The following DENND2B variants were observed in gnomAD, a reference collection of about 807,000 sequenced individuals.
The protein encoded by DENND2B is DENN domain containing 2B.
DENND2B carries 32 observed loss-of-function variants against 116.0 expected under a neutral mutation model. That is an observed-to-expected ratio of 0.28 (90% CI 0.21 to 0.37). The LOEUF is 0.37. Among genes scored for constraint, DENND2B ranks in the 10% least tolerant of loss-of-function variants. The pLI is 1.00. For missense variants in DENND2B, 1,276 were observed against 1,477.7 expected, an observed-to-expected ratio of 0.86 and a Z score of 2.24; for synonymous variants, 588 against 583.9, an observed-to-expected ratio of 1.01 and a Z score of -0.10.
chr11:8,715,646 G>C lies in DENND2B; in HGVS notation c.1802C>G (p.Thr601Ser), dbSNP rs747285010. 6.2e-7 allele frequency: 1 copy of C among 1,614,018 alleles called. No individual in the cohort carries two copies. The highest frequency in any genetic ancestry group is 8.5e-7 in the Non-Finnish European group (1 of 1,179,910). ...CCGGCGGCTGGACAGCAGCTCGCTG[G>C]TGGTGCTGAGGCTGTCTTCATTGAG... The part of the protein sequence containing the change: ...SSLNEDSLST[T>S]SELLSSRRAR... Residue 601 changes from threonine to serine, a missense_variant, in exon 6 of 20, where the codon ACC (threonine) becomes AGC (serine). Around this residue, in one of 2 missense-constraint regions of DENND2B, gnomAD observed 856 missense variants for 846.6 expected, o/e 1.01. Transcript: ENST00000313726.
chr11:8,905,132 A>C (rs11042115), intron 1 of DENND2B, among the ~76,000 whole-genome samples: 29,874 of 152,006 alleles, frequency 0.2, 3,055 homozygotes, highest in East Asian at 0.31. Flanking sequence ...TATACTTCCC[A>C]ATTTCCAAAC....
In DENND2B at chr11:8,881,541, T is replaced by C. The variant is rs1324557903; in HGVS notation, c.-255-432A>G. Reference sequence around the variant, plus strand: ...TCCAAATGCTCTGTCTTGTTCTTTTTGTTTGTTTGTTTTTGAGACAGTCTC... The same window carrying C: ...TCCAAATGCTCTGTCTTGTTCTTTTCGTTTGTTTGTTTTTGAGACAGTCTC... On this transcript the variant is annotated intron_variant, in intron 1 of 22. Transcript: ENST00000534127. Among the ~76,000 whole-genome samples, 5 of 152,168 alleles carry C rather than the reference T, an allele frequency of 3.3e-5. No individual in the cohort carries two copies. The East Asian group carries it at 9.6e-4, about 29-fold the overall frequency.
chr11:8,810,806 G>GTCTCTCTCTCTCTTTC (rs2061330647), upstream of DENND2B: 2 of 140,236 alleles, frequency 1.4e-5, no homozygotes, highest in African/African-American at 5.5e-5. Context: ...CTTTCTCACT[G>GTCTCTCTCTCTCTTTC]TCTCTCTCTC....
chr11:8,780,552 A>G (rs1177775931), intron 1 of DENND2B, among the ~76,000 whole-genome samples: 1 of 152,206 alleles, frequency 6.6e-6, no homozygotes, highest in East Asian at 1.9e-4. Context: ...ATGAAGGACA[A>G]CAAAGTGTTT....
At position 8,740,703 on chromosome 11, in the gene DENND2B, C is replaced by G. The variant is rs115145203; in HGVS notation, c.81-9494G>C. 2.3e-3 allele frequency among the ~76,000 whole-genome samples: 354 copies of G among 152,296 alleles called. 2 individuals are homozygous for G. Among genetic ancestry groups the G allele is most frequent in the African/African-American group, 8.3e-3 (346 of 41,548 alleles). On this transcript the variant is annotated intron_variant, in intron 2 of 19. Coordinates refer to ENST00000313726, the MANE Select transcript of DENND2B (RefSeq NM_213618.2). ...AGTGTCCAAAATGCTTCCATCCCTA[C>G]TAAGCAATGTCTAGCCTGCTTCAAA...
chr11:8,714,818 G>T, intron 6 of DENND2B, 112 bp from the exon 7 acceptor site: 1 of 889,252 alleles, frequency 1.1e-6, no homozygotes, highest in Non-Finnish European at 1.8e-6. Context: ...TTTCTGCATT[G>T]CACCCGCTGG....
chr11:8,759,681 C>T (rs1020098127), intron 1 of DENND2B, among the ~76,000 whole-genome samples: 1 of 152,196 alleles, frequency 6.6e-6, no homozygotes, highest in African/African-American at 2.4e-5. Flanking sequence ...TATAGTGACC[C>T]AACAGTGTGC....
chr11:8,724,199 G>C (rs557039362), intron 4 of DENND2B, among the ~76,000 whole-genome samples: 1 of 152,226 alleles, frequency 6.6e-6, no homozygotes, highest in African/African-American at 2.4e-5. Flanking sequence ...GGAAGGCTGA[G>C]GCAGAAGAAT....
At chr11:8,906,051 C>A (rs1244905612) in intron 1 of DENND2B, among the ~76,000 whole-genome samples, 1 of 151,544 alleles carries the variant, frequency 6.6e-6, no homozygotes, top group African/African-American at 2.4e-5. Context: ...ATGGTATACA[C>A]TAGGGATTTT....
chr11:8,710,113 G>A (rs1207575884), intron 11 of DENND2B, among the ~76,000 whole-genome samples: 1 of 152,110 alleles, frequency 6.6e-6, no homozygotes, highest in Admixed American at 6.5e-5. Flanking sequence ...CTGGTATCTG[G>A]GGAGGCTTTC....
rs996643260 is a variant in DENND2B, at chr11:8,699,156, C to G, written c.2898+57G>C. The G allele has an allele frequency of 4.6e-6, 7 of 1,524,066 alleles. No homozygotes were observed. In the African/African-American group the frequency reaches 9.8e-5, roughly 21 times the overall value. The allele number at this position is 1,524,066 out of a possible 1,614,324, so 94.4% of individuals were successfully genotyped here. On this transcript the variant is annotated intron_variant, in intron 15 of 19. Coordinates refer to ENST00000313726, the MANE Select transcript of DENND2B (RefSeq NM_213618.2). ...GAGGCCGAGGGGCCACAAGTAAGAT[C>G]CCAGCACCTGCTTCCCCCTCCACCC...
intron 16 of DENND2B, 37 bp from the exon 17 acceptor site, chr11:8,697,673 G>T: frequency 1.4e-6 from 2 of 1,396,406 alleles, no homozygotes; most frequent in South Asian, 1.2e-5. Flanking sequence ...AATCATAGCT[G>T]ACACTGAGCA....
intron 1 of DENND2B, among the ~76,000 whole-genome samples, chr11:8,799,668 T>G (rs1385208712): frequency 2.7e-5 from 4 of 146,996 alleles, no homozygotes; most frequent in Admixed American, 2.1e-4. Flanking sequence ...AGCCTCAAAC[T>G]CATGGGCTCA....
At chr11:8,767,356 G>A (rs930388230) in intron 1 of DENND2B, among the ~76,000 whole-genome samples, 1 of 152,166 alleles carries the variant, frequency 6.6e-6, no homozygotes, top group African/African-American at 2.4e-5. Flanking sequence ...TGTGAAAAAG[G>A]GATTAGATGT....
chr11:8,801,994 GGA>G (rs201160713), intron 1 of DENND2B, among the ~76,000 whole-genome samples: 7,245 of 120,978 alleles, frequency 0.06, 253 homozygotes, highest in East Asian at 0.14. Context: ...CCTCTCTTGG[GGA>G]AAAAAAAAAA....
intron 4 of DENND2B, among the ~76,000 whole-genome samples, chr11:8,725,360 C>T (rs949309557): frequency 1.5e-5 from 2 of 131,242 alleles, no homozygotes; most frequent in Non-Finnish European, 3.1e-5. Flanking sequence ...CTAACAATAA[C>T]CTTATGAAAT....
chr11:8,887,191 T>G (rs1158894019), intron 1 of DENND2B, among the ~76,000 whole-genome samples: 1 of 152,256 alleles, frequency 6.6e-6, no homozygotes, highest in Admixed American at 6.5e-5. Context: ...TTTGGCATTA[T>G]AGAATGATAA....
At chr11:8,718,436 C>A in intron 4 of DENND2B, 1 of 1,522,290 alleles carries the variant, frequency 6.6e-7, no homozygotes, top group African/African-American at 1.4e-5. Flanking sequence ...ACCTACGATG[C>A]CGTTCAACAA....
intron 1 of DENND2B, among the ~76,000 whole-genome samples, chr11:8,884,942 T>C (rs896707655): frequency 1.3e-5 from 2 of 152,236 alleles, no homozygotes; most frequent in African/African-American, 2.4e-5. Flanking sequence ...AAGAGATCTA[T>C]GTTGTCCAGA....
Sources: allele counts gnomAD v4.1 joint callset (sites outside exome capture counted in the v4.1 genomes callset), GRCh38; gene constraint gnomAD v4.1.1; regional missense constraint gnomAD v4.1.1; transcripts MANE v1.5; gene names NCBI Gene and HGNC (gene_info 2026-07-23, HGNC 2026-07-21).